The following RSBN1L variants were observed in gnomAD, a reference collection of about 807,000 sequenced individuals.
RSBN1L encodes lysine-specific demethylase RSBN1L.
RSBN1L carries 30 observed loss-of-function variants against 67.7 expected under a neutral mutation model. The observed-to-expected ratio is 0.44, with a 90% CI of 0.33 to 0.60. The LOEUF is 0.60. RSBN1L is among the 20% of genes least tolerant of loss of function. RSBN1L has a pLI of 0.02. For missense variants in RSBN1L, 992 were observed against 1,031.7 expected, an observed-to-expected ratio of 0.96 and a Z score of 0.53; for synonymous variants, 433 against 387.0, an observed-to-expected ratio of 1.12 and a Z score of -1.39.
intron 6 of RSBN1L, among the ~76,000 whole-genome samples, chr7:77,773,953 A>G (rs1030377378): frequency 1.8e-4 from 28 of 152,126 alleles, no homozygotes; most frequent in African/African-American, 6.8e-4. Context: ...TTTGCTCCGT[A>G]TTTATCACAT....
Position 77,780,590 on chromosome 7 carries a change from G to A in RSBN1L, c.*1422G>A, listed in dbSNP as rs575697254. On this transcript the variant is annotated 3_prime_UTR_variant, in exon 8 of 8. Transcript: ENST00000334955. ...TTTACATTTTTCTTGCAGAATGGGA[G>A]AAAAATATGGCAAATACAAAACTGT... 5 of 152,214 alleles carry A rather than the reference G, an allele frequency of 3.3e-5. No individual in the cohort carries two copies. The highest frequency in any genetic ancestry group is 1.2e-4 in the African/African-American group (5 of 41,560). The allele number at this position is 152,214 out of a possible 1,614,324, so 9.4% of individuals were successfully genotyped here.
intron 3 of RSBN1L, among the ~76,000 whole-genome samples, chr7:77,750,549 G>A (rs1383416311): frequency 6.6e-6 from 1 of 152,002 alleles, no homozygotes; most frequent in Non-Finnish European, 1.5e-5. Context: ...GTTAAAAGTA[G>A]CAATCAGTAT....
At chr7:77,752,624 G>A (rs1388119407) in intron 3 of RSBN1L, among the ~76,000 whole-genome samples, 1 of 152,144 alleles carries the variant, frequency 6.6e-6, no homozygotes, top group African/African-American at 2.4e-5. Context: ...TGTCCCTCCA[G>A]GAGTTGATTT....
chr7:77,760,083 A>G (rs969773489), intron 3 of RSBN1L, among the ~76,000 whole-genome samples: 1 of 152,210 alleles, frequency 6.6e-6, no homozygotes, highest in African/African-American at 2.4e-5. Context: ...TAATTACATA[A>G]GAGAAAACAG....
chr7:77,709,808 A>G (rs1487398569), intron 1 of RSBN1L, among the ~76,000 whole-genome samples: 2 of 151,968 alleles, frequency 1.3e-5, no homozygotes, highest in Non-Finnish European at 2.9e-5. Context: ...CATTGTTAGC[A>G]CTCCTCAAAT....
chr7:77,699,536 T>C (rs1485817056), intron 1 of RSBN1L, among the ~76,000 whole-genome samples: 3 of 152,234 alleles, frequency 2.0e-5, no homozygotes, highest in Non-Finnish European at 4.4e-5. Flanking sequence ...AGCATAGTTA[T>C]TAATTTTTTA....
At position 77,749,472 on chromosome 7, in the gene RSBN1L, A is replaced by G; in HGVS notation, c.752A>G (p.Lys251Arg). 6.3e-7 allele frequency: 1 copy of G among 1,580,650 alleles called. No homozygotes were observed. Among genetic ancestry groups the G allele is most frequent in the Non-Finnish European group, 8.5e-7 (1 of 1,170,990 alleles). Residue 251 changes from lysine (K) to arginine (R), a missense_variant, in exon 3 of 8, where the codon AAG becomes AGG. Lys to Arg is a conservative substitution (Grantham distance 26). Around this residue, in one of 7 missense-constraint regions of RSBN1L, gnomAD observed 575 missense variants for 483.2 expected, o/e 1.19. Transcript: ENST00000334955. ...AATATAGAAGACTTACAAATTAAAA[A>G]GGTAAAGAAGAAAAAGAAAAAGAAA... Reference protein sequence around the residue: ...KTNIEDLQIKKVKKKKKKKHK... With the variant: ...KTNIEDLQIKRVKKKKKKKHK...
intron 2 of RSBN1L, among the ~76,000 whole-genome samples, chr7:77,739,085 T>C (rs1049769217): frequency 6.6e-6 from 1 of 152,240 alleles, no homozygotes; most frequent in Non-Finnish European, 1.5e-5. Context: ...TATCTGTTGT[T>C]ACTATCTACG....
intron 5 of RSBN1L, among the ~76,000 whole-genome samples, chr7:77,769,600 G>A (rs929578831): frequency 3.3e-5 from 5 of 151,982 alleles, no homozygotes; most frequent in Non-Finnish European, 5.9e-5. Context: ...AATAGTATTT[G>A]GGGGGGAAGC....
intron 1 of RSBN1L, among the ~76,000 whole-genome samples, chr7:77,705,923 T>C (rs976541921): frequency 3.9e-5 from 6 of 152,124 alleles, no homozygotes; most frequent in African/African-American, 7.2e-5. Context: ...TTTTCTGAGA[T>C]GAAGTCTCAC....
chr7:77,743,467 T>G (rs989363198), intron 2 of RSBN1L, among the ~76,000 whole-genome samples: 1 of 151,396 alleles, frequency 6.6e-6, no homozygotes, highest in African/African-American at 2.4e-5. Context: ...TGGTTTTGTT[T>G]TTTTTTTTTT....
intron 1 of RSBN1L, among the ~76,000 whole-genome samples, chr7:77,713,314 A>G (rs947135729): frequency 6.6e-6 from 1 of 151,078 alleles, no homozygotes; most frequent in Non-Finnish European, 1.5e-5. Context: ...ATGTACTCAA[A>G]TTCATCAGTA....
rs768192395 is a variant in RSBN1L at position 77,749,646 on chromosome 7, A to G, written c.926A>G (p.Asp309Gly). 4 of 1,614,154 alleles carry G rather than the reference A, an allele frequency of 2.5e-6. No homozygotes were observed. Among genetic ancestry groups the G allele is most frequent in the Non-Finnish European group, 2.5e-6 (3 of 1,180,024 alleles). The stretch of plus-strand genomic sequence containing the variant: ...AAAGATTACGTTGGGAAGAATTTGG[A>G]TACCAAGAACTATGATTCCAAAATT... ...NIKDYVGKNL[D>G]TKNYDSKIPE... The change falls in exon 3 of 8, where the codon GAT becomes GGT. Residue 309 changes from aspartate to glycine, a missense_variant. Physicochemically the swap from Asp to Gly is moderately conservative, Grantham distance 94. Around this residue, in one of 7 missense-constraint regions of RSBN1L, gnomAD observed 575 missense variants for 483.2 expected, o/e 1.19. Coordinates refer to ENST00000334955, the MANE Select transcript of RSBN1L (RefSeq NM_198467.3).
Position 77,782,564 on chromosome 7 carries a change from G to T in RSBN1L, c.*3396G>T, listed in dbSNP as rs1208749650. The stretch of plus-strand genomic sequence containing the variant: ...ATTCATTATCTTCCTTGTCACCAAG[G>T]CTGTTGACCTTAAATAAACATTAAG... On this transcript the variant is annotated 3_prime_UTR_variant, in exon 8 of 8. Coordinates refer to ENST00000334955, the MANE Select transcript of RSBN1L (RefSeq NM_198467.3). 6.6e-6 allele frequency: 1 copy of T among 152,138 alleles called. No homozygotes were observed. The highest frequency in any genetic ancestry group is 2.4e-5 in the African/African-American group (1 of 41,432). 9.4% of individuals were successfully genotyped at this position (152,138 alleles called of 1,614,324 possible).
chr7:77,738,516 T>C (rs1441130777), intron 2 of RSBN1L, among the ~76,000 whole-genome samples: 2 of 152,152 alleles, frequency 1.3e-5, no homozygotes, highest in East Asian at 3.8e-4. Context: ...CCTTACAGTG[T>C]TACCAAGATT....
At chr7:77,768,634 G>C in intron 4 of RSBN1L, 27 bp from the exon 5 acceptor site, 1 of 1,593,420 alleles carries the variant, frequency 6.3e-7, no homozygotes, top group Non-Finnish European at 8.6e-7. Context: ...GAAAATAATT[G>C]CAATCTGCAT....
chr7:77,708,629 G>A (rs1428936519), intron 1 of RSBN1L, among the ~76,000 whole-genome samples: 1 of 151,808 alleles, frequency 6.6e-6, no homozygotes, highest in Non-Finnish European at 1.5e-5. Context: ...TGATCCACCC[G>A]CCTCGACCTT....
chr7:77,777,921 T>C (rs1164123341), intron 6 of RSBN1L, among the ~76,000 whole-genome samples: 2 of 152,160 alleles, frequency 1.3e-5, no homozygotes, highest in Non-Finnish European at 2.9e-5. Flanking sequence ...AGTATAGTTA[T>C]ATGTATCTTC....
At chr7:77,725,369 C>T (rs1365339026) in intron 1 of RSBN1L, among the ~76,000 whole-genome samples, 1 of 43,612 alleles carries the variant, frequency 2.3e-5, no homozygotes, top group East Asian at 3.5e-4. Context: ...CTGCCTCAGC[C>T]TCCCAGGTAG....
Sources: gnomAD v4.1 joint callset for allele counts (sites outside exome capture counted in the v4.1 genomes callset) on GRCh38, gnomAD v4.1.1 for gene constraint, gnomAD v4.1.1 regional missense constraint, MANE v1.5 for transcripts, NCBI Gene and HGNC (gene_info 2026-07-23, HGNC 2026-07-21) for gene names.